The following SCGB2B2 variants were observed in gnomAD, a reference collection of about 807,000 sequenced individuals.
The protein encoded by SCGB2B2 is secretoglobin family 2B member 2, also known as secretoglobin-like protein.
In SCGB2B2, 11 loss-of-function variants were observed where a neutral mutation model predicts 7.6. The ratio of observed to expected loss-of-function variants is 1.45; its 90% CI spans 0.91 to 2.40. The LOEUF is 2.40. Among genes scored for constraint, SCGB2B2 ranks in the 30% most tolerant of loss-of-function variants. The pLI, the probability that SCGB2B2 is intolerant of heterozygous loss-of-function variation, is 0.00. For synonymous variants in SCGB2B2, 50 were observed against 48.6 expected (o/e 1.03, Z -0.12); for missense variants, 104 against 115.4 (o/e 0.90, Z 0.45).
intron 1 of SCGB2B2, among the ~76,000 whole-genome samples, chr19:34,655,385 C>T (rs11666696): frequency 0.95 from 143,892 of 151,036 alleles, 69,003 homozygotes; most frequent in Middle Eastern, 0.99. Context: ...CAAACCCTTA[C>T]CACAACCCAG....
intron 1 of SCGB2B2, among the ~76,000 whole-genome samples, chr19:34,600,921 G>GTT (rs1331760268): frequency 1.0e-5 from 1 of 97,768 alleles, no homozygotes; most frequent in Non-Finnish European, 2.1e-5. Context: ...GGGGTGTGGT[G>GTT]TGTGTGTGTG....
At chr19:34,623,891 C>G (rs2066301370) in intron 1 of SCGB2B2, among the ~76,000 whole-genome samples, 1 of 152,168 alleles carries the variant, frequency 6.6e-6, no homozygotes, top group African/African-American at 2.4e-5. Context: ...TCGATGAGGA[C>G]AGTACTGAGC....
intron 1 of SCGB2B2, chr19:34,635,041 T>C (rs1458151264): frequency 2.0e-5 from 6 of 300,312 alleles, no homozygotes; most frequent in Non-Finnish European, 4.1e-5. Flanking sequence ...GATTCTCCAA[T>C]GCCGAGCAAG....
chr19:34,658,287 C>A (rs931926705), intron 1 of SCGB2B2, among the ~76,000 whole-genome samples: 10 of 151,514 alleles, frequency 6.6e-5, no homozygotes, highest in African/African-American at 2.2e-4. Flanking sequence ...AAAAACCCTT[C>A]AAAAAAAATC....
intron 1 of SCGB2B2, among the ~76,000 whole-genome samples, chr19:34,626,652 G>A (rs1308615463): frequency 2.0e-5 from 3 of 152,224 alleles, no homozygotes; most frequent in Non-Finnish European, 4.4e-5. Context: ...TGAAAGTGAT[G>A]GGGAGAATGG....
intron 1 of SCGB2B2, among the ~76,000 whole-genome samples, chr19:34,618,120 A>G (rs1025046130): frequency 2.0e-5 from 3 of 152,190 alleles, no homozygotes; most frequent in Admixed American, 6.5e-5. Flanking sequence ...GGAGCTGTAG[A>G]CCGGAGCTGT....
intron 1 of SCGB2B2, among the ~76,000 whole-genome samples, chr19:34,599,741 G>A (rs941126226): frequency 1.3e-5 from 2 of 151,420 alleles, no homozygotes; most frequent in African/African-American, 4.9e-5. Context: ...TTTCCTCCCC[G>A]CCCTGTTCTC....
chr19:34,586,424 C>G (rs747091210), downstream of SCGB2B2, among the ~76,000 whole-genome samples: 17 of 152,220 alleles, frequency 1.1e-4, no homozygotes, highest in Non-Finnish European at 2.1e-4. Context: ...AACACCCTCT[C>G]CTGCATCTCC....
chr19:34,651,232 A>G (rs1160418576), intron 1 of SCGB2B2, among the ~76,000 whole-genome samples: 2 of 151,310 alleles, frequency 1.3e-5, no homozygotes, highest in Admixed American at 1.3e-4. Context: ...TCAATATAGT[A>G]CTGGAAGTCC....
intron 1 of SCGB2B2, among the ~76,000 whole-genome samples, chr19:34,638,649 C>T (rs2066758716): frequency 6.6e-6 from 1 of 152,148 alleles, no homozygotes; most frequent in Non-Finnish European, 1.5e-5. Context: ...AAAATAGTCA[C>T]TGGAAAGTTT....
intron 1 of SCGB2B2, among the ~76,000 whole-genome samples, chr19:34,607,201 A>G (rs1019785564): frequency 6.6e-6 from 1 of 152,220 alleles, no homozygotes; most frequent in African/African-American, 2.4e-5. Flanking sequence ...GTTCATCCGT[A>G]TTGTTGAAAG....
At position 34,592,020 on chromosome 19, in the gene SCGB2B2, C is replaced by T. The variant is rs1183252436; in HGVS notation, c.*1535G>A. ...TGATGTGTGGCAGGGGACACTTCTT[C>T]CCTGGCTGAGTGGATGGGTGATGAC... is the stretch of plus-strand genomic sequence containing the variant. On this transcript the variant is annotated 3_prime_UTR_variant, in exon 4 of 4. Transcript: ENST00000601241. Among the ~76,000 whole-genome samples the T allele has an allele frequency of 2.0e-5, 3 of 152,286 alleles. No homozygotes were observed. The highest frequency in any genetic ancestry group is 3.4e-3 in the Middle Eastern group (1 of 294).
At chr19:34,624,432 A>C (rs915665887) in intron 1 of SCGB2B2, among the ~76,000 whole-genome samples, 2 of 152,142 alleles carry the variant, frequency 1.3e-5, no homozygotes, top group Non-Finnish European at 2.9e-5. Flanking sequence ...AAATCCCCCC[A>C]TCTCAAGGAA....
chr19:34,592,847 A>G lies in SCGB2B2; in HGVS notation c.*708T>C, dbSNP rs1478400118. On this transcript the variant is annotated 3_prime_UTR_variant, in exon 4 of 4. Transcript: ENST00000601241. ...AGCTGAGCTGCAGGTATTTATGGGG[A>G]CGCTGAGGCTTGTGACTTAGCCAGG... 6.6e-6 allele frequency among the ~76,000 whole-genome samples: 1 copy of G among 152,132 alleles called. No individual in the cohort carries two copies. Among genetic ancestry groups the G allele is most frequent in the Non-Finnish European group, 1.5e-5 (1 of 68,016 alleles).
intron 1 of SCGB2B2, among the ~76,000 whole-genome samples, chr19:34,663,042 C>T (rs2067508382): frequency 6.6e-6 from 1 of 152,208 alleles, no homozygotes; most frequent in African/African-American, 2.4e-5. Flanking sequence ...AGGCCTCAAC[C>T]TCATTACACC....
chr19:34,620,915 A>T (rs940218014), intron 1 of SCGB2B2, among the ~76,000 whole-genome samples: 2 of 152,228 alleles, frequency 1.3e-5, no homozygotes, highest in Non-Finnish European at 2.9e-5. Flanking sequence ...TATGCAAAAA[A>T]AGAGAATGTT....
At chr19:34,662,889 C>T (rs890331758) in intron 1 of SCGB2B2, among the ~76,000 whole-genome samples, 1 of 152,056 alleles carries the variant, frequency 6.6e-6, no homozygotes, top group Non-Finnish European at 1.5e-5. Context: ...CGAGATCATG[C>T]CACTGTACTT....
At chr19:34,620,678 A>G (rs2066218336) in intron 1 of SCGB2B2, among the ~76,000 whole-genome samples, 1 of 152,238 alleles carries the variant, frequency 6.6e-6, no homozygotes, top group Admixed American at 6.5e-5. Context: ...TTAAAAAGTC[A>G]GATGAATTTT....
chr19:34,603,787 T>C (rs1482421051), intron 1 of SCGB2B2, among the ~76,000 whole-genome samples: 1 of 119,438 alleles, frequency 8.4e-6, no homozygotes, highest in Non-Finnish European at 1.8e-5. Flanking sequence ...TTTTTTAATG[T>C]TTTATTACTT....
Sources: allele counts gnomAD v4.1 joint callset (sites outside exome capture counted in the v4.1 genomes callset), GRCh38; gene constraint gnomAD v4.1.1; transcripts MANE v1.5; gene names NCBI Gene and HGNC (gene_info 2026-07-23, HGNC 2026-07-21).